Variants in PTPRT observed in about 807,000 individuals in gnomAD.
PTPRT encodes the protein receptor-type tyrosine-protein phosphatase T.
PTPRT carries 56 observed loss-of-function variants against 176.8 expected under a neutral mutation model. The ratio of observed to expected loss-of-function variants is 0.32; its 90% confidence interval spans 0.26 to 0.40. PTPRT has a LOEUF of 0.40. Ranked by LOEUF, PTPRT falls within the 10% of genes least tolerant of loss-of-function variation. PTPRT has a pLI of 1.00. For missense variants in PTPRT, 1,540 were observed against 1,908.2 expected (o/e 0.81, Z 3.60); for synonymous variants, 783 against 739.0 (o/e 1.06, Z -0.96).
At chr20:43,099,167 G>A (rs1239372006) in intron 1 of PTPRT, among the ~76,000 whole-genome samples, 1 of 151,750 alleles carries the variant, frequency 6.6e-6, no homozygotes, top group African/African-American at 2.4e-5. Flanking sequence ...TATATCATGA[G>A]CAGGGGAATA....
At chr20:42,918,664 C>T (rs1418402890) in intron 1 of PTPRT, among the ~76,000 whole-genome samples, 2 of 152,150 alleles carry the variant, frequency 1.3e-5, no homozygotes, top group Non-Finnish European at 2.9e-5. Context: ...CAAACTTGCA[C>T]ATTTTTTTGA....
intron 6 of PTPRT, chr20:42,685,881 T>G (rs1017409900): frequency 3.9e-5 from 6 of 152,176 alleles, no homozygotes; most frequent in Non-Finnish European, 5.9e-5. Flanking sequence ...TGACCTCTCT[T>G]GCAGTTCTCT....
rs1346795801 is a variant in PTPRT, at chr20:42,618,462, T to C, written c.1153+59404A>G. Among the ~76,000 whole-genome samples, 2 of 135,540 alleles carry C rather than the reference T, an allele frequency of 1.5e-5. 1 individual carries two copies. The highest frequency in any genetic ancestry group is 6.6e-5 in the African/African-American group (2 of 30,152). The allele number at this position is 135,540 out of a possible 152,430, so 88.9% of individuals were successfully genotyped here. ...TCTGTAGATGTCTATTAGGTCCGCT[T>C]GGTGCAGAGCTGAGTTCAATTCCTG... On this transcript the variant is annotated intron_variant, in intron 7 of 30. Coordinates refer to ENST00000373187, the MANE Select transcript of PTPRT (RefSeq NM_007050.6).
intron 1 of PTPRT, among the ~76,000 whole-genome samples, chr20:42,917,570 G>A (rs1249599900): frequency 6.6e-6 from 1 of 152,224 alleles, no homozygotes; most frequent in South Asian, 2.1e-4. Flanking sequence ...CCATTTTCAC[G>A]ATATTGATTC....
At chr20:42,753,132 T>G (rs2145391626) in intron 6 of PTPRT, among the ~76,000 whole-genome samples, 1 of 152,226 alleles carries the variant, frequency 6.6e-6, no homozygotes, top group Middle Eastern at 3.4e-3. Context: ...CCTTCAGCAC[T>G]GCTCATGACA....
intron 15 of PTPRT, among the ~76,000 whole-genome samples, chr20:42,222,033 G>A (rs776097684): frequency 4.6e-5 from 7 of 152,140 alleles, no homozygotes; most frequent in Non-Finnish European, 1.0e-4. Flanking sequence ...TTAGAGCAAA[G>A]GGTAAGGGCT....
chr20:42,389,349 A>G (rs749843210), intron 9 of PTPRT, among the ~76,000 whole-genome samples: 2 of 152,102 alleles, frequency 1.3e-5, no homozygotes, highest in African/African-American at 4.8e-5. Flanking sequence ...TTATGTTTTC[A>G]CAGCAAACTA....
intron 11 of PTPRT, among the ~76,000 whole-genome samples, chr20:42,346,694 T>C (rs552690909): frequency 1.6e-4 from 25 of 152,228 alleles, no homozygotes; most frequent in African/African-American, 5.8e-4. Context: ...TCCACAGGGC[T>C]TCAGAGGAGC....
chr20:42,893,625 C>T (rs62204000), intron 1 of PTPRT, among the ~76,000 whole-genome samples: 8 of 151,888 alleles, frequency 5.3e-5, no homozygotes, highest in East Asian at 1.9e-4. Context: ...TGTCCAACAA[C>T]GATAGACTGG....
intron 7 of PTPRT, among the ~76,000 whole-genome samples, chr20:42,488,095 C>A (rs1251154974): frequency 1.3e-5 from 2 of 152,270 alleles, no homozygotes; most frequent in South Asian, 2.1e-4. Flanking sequence ...GATTTTCAAC[C>A]ATTGCATGGG....
At chr20:42,137,804 A>C (rs1988444215) in intron 18 of PTPRT, among the ~76,000 whole-genome samples, 1 of 152,182 alleles carries the variant, frequency 6.6e-6, no homozygotes, top group Admixed American at 6.5e-5. Context: ...GGTGAGGTGA[A>C]GTGATTGTGC....
intron 7 of PTPRT, among the ~76,000 whole-genome samples, chr20:42,602,633 G>A (rs1367164079): frequency 6.6e-6 from 1 of 152,028 alleles, no homozygotes; most frequent in Non-Finnish European, 1.5e-5. Context: ...TGGAACCCAG[G>A]CAGCATGATT....
intron 1 of PTPRT, among the ~76,000 whole-genome samples, chr20:43,105,962 T>C (rs901973217): frequency 6.6e-6 from 1 of 151,996 alleles, no homozygotes; most frequent in South Asian, 2.1e-4. Flanking sequence ...CAAGGAATGG[T>C]GTGCACTGAA....
intron 1 of PTPRT, among the ~76,000 whole-genome samples, chr20:43,061,121 T>C (rs939684900): frequency 7.3e-5 from 11 of 151,340 alleles, no homozygotes; most frequent in African/African-American, 2.4e-4. Context: ...GATGGATGGA[T>C]GGTCAGTCAG....
chr20:42,071,374 C>T (rs1348234431), downstream of PTPRT, among the ~76,000 whole-genome samples: 4 of 152,174 alleles, frequency 2.6e-5, no homozygotes, highest in Non-Finnish European at 5.9e-5. Context: ...ACTGGTTTGT[C>T]CCAGTTCCTT....
chr20:42,740,427 GCTC>G (rs1322323064), intron 6 of PTPRT, among the ~76,000 whole-genome samples: 1 of 152,116 alleles, frequency 6.6e-6, no homozygotes, highest in Non-Finnish European at 1.5e-5. Context: ...GCTGAGAATG[GCTC>G]CTCATCTCCA....
chr20:42,044,845 G>A, the PTPRT span, among the ~76,000 whole-genome samples: 1,003 of 152,310 alleles, frequency 6.6e-3, 10 homozygotes, highest in African/African-American at 0.023. Flanking sequence ...AACTGGGCTA[G>A]AATTTTAAGG....
At chr20:42,615,745 G>A (rs2145838616) in intron 7 of PTPRT, among the ~76,000 whole-genome samples, 1 of 119,940 alleles carries the variant, frequency 8.3e-6, no homozygotes, top group African/African-American at 4.3e-5. Context: ...CTTTTGAGAA[G>A]TGTCTGTTCA....
rs1157004869 is a variant in PTPRT, at chr20:42,780,222, T to C, written c.564A>G (p.Pro188=). 5.6e-6 allele frequency: 9 copies of C among 1,613,014 alleles called. No individual in the cohort carries two copies. The highest frequency in any genetic ancestry group is 2.2e-5 in the East Asian group (1 of 44,884). Reference sequence around the variant, plus strand: ...GGGAGGAAGGGAAAGACTTACTGCATGGATGAGCAAGGACCCGGACCTCGT... The same window carrying C: ...GGGAGGAAGGGAAAGACTTACTGCACGGATGAGCAAGGACCCGGACCTCGT... ...AVDEVRVLAH[P]CRKAPHFLRL... The change falls in exon 4 of 31, where the codon CCA becomes CCG. Residue 188 remains proline (P), a synonymous_variant. Transcript: ENST00000373187.
Sources: allele counts gnomAD v4.1 joint callset (sites outside exome capture counted in the v4.1 genomes callset), GRCh38; gene constraint gnomAD v4.1.1; transcripts MANE v1.5; gene names NCBI Gene and HGNC (gene_info 2026-07-23, HGNC 2026-07-21).